EPHB2: variants seen among roughly 807,000 people sequenced by gnomAD.
EPHB2 encodes EPH receptor B2, also known as ephrin type-B receptor 2.
A neutral mutation model predicts 96.4 loss-of-function variants in EPHB2; 18 were observed. That is an observed-to-expected ratio of 0.19 (90% confidence interval 0.13 to 0.28). The LOEUF is 0.28. EPHB2 is among the 10% of genes least tolerant of loss of function. The pLI, the probability that EPHB2 is intolerant of heterozygous loss-of-function variation, is 1.00. For missense variants in EPHB2, 989 were observed against 1,355.4 expected (o/e 0.73, Z 4.25); for synonymous variants, 506 against 534.1 (o/e 0.95, Z 0.72).
chr1:22,911,949 C>A (rs769692524), intron 14 of EPHB2, among the ~76,000 whole-genome samples: 2 of 152,204 alleles, frequency 1.3e-5, no homozygotes, highest in South Asian at 2.1e-4. Flanking sequence ...TTAGCGCCAC[C>A]AGCCTTAGCT....
chr1:22,775,750 G>A (rs1262762632), intron 1 of EPHB2, among the ~76,000 whole-genome samples: 1 of 152,272 alleles, frequency 6.6e-6, no homozygotes, highest in East Asian at 1.9e-4. Context: ...GTACGGTAGG[G>A]ATAGGGCCAA....
At chr1:22,742,118 C>T (rs1287483789) in intron 1 of EPHB2, among the ~76,000 whole-genome samples, 2 of 152,104 alleles carry the variant, frequency 1.3e-5, no homozygotes, top group African/African-American at 2.4e-5. Context: ...CGACCCAGGC[C>T]CCTGCTCATA....
At chr1:22,894,356 G>A (rs1570449237) in intron 7 of EPHB2, among the ~76,000 whole-genome samples, 1 of 152,242 alleles carries the variant, frequency 6.6e-6, no homozygotes, top group East Asian at 1.9e-4. Flanking sequence ...CCAGCACTAT[G>A]GGAAGCCAAG....
At chr1:22,852,286 A>G (rs1423005202) in intron 3 of EPHB2, among the ~76,000 whole-genome samples, 1 of 151,896 alleles carries the variant, frequency 6.6e-6, no homozygotes, top group Non-Finnish European at 1.5e-5. Context: ...CCCCAGGACA[A>G]CCTCCCAGCA....
intron 3 of EPHB2, among the ~76,000 whole-genome samples, chr1:22,843,761 G>A (rs377485296): frequency 6.6e-5 from 10 of 152,274 alleles, no homozygotes; most frequent in African/African-American, 2.2e-4. Context: ...GGCTGCTCTC[G>A]AACTCCTGAC....
intron 1 of EPHB2, among the ~76,000 whole-genome samples, chr1:22,764,522 G>A (rs1291167792): frequency 6.6e-6 from 1 of 152,128 alleles, no homozygotes; most frequent in Non-Finnish European, 1.5e-5. Context: ...GAGCCAGGCG[G>A]ATCATTTGAG....
intron 3 of EPHB2, among the ~76,000 whole-genome samples, chr1:22,788,747 GTTTTTGTT>G (rs1644647997): frequency 1.1e-5 from 1 of 90,692 alleles, no homozygotes; most frequent in Non-Finnish European, 2.2e-5. Flanking sequence ...TTTGTCTTTT[GTTTTTGTT>G]TTTTTTTTTT....
chr1:22,844,287 C>T (rs144712043), intron 3 of EPHB2, among the ~76,000 whole-genome samples: 41 of 152,318 alleles, frequency 2.7e-4, no homozygotes, highest in African/African-American at 9.9e-4. Flanking sequence ...GGCTTATTGC[C>T]CTTGTTTAAC....
At chr1:22,757,748 C>T (rs1406908659) in intron 1 of EPHB2, among the ~76,000 whole-genome samples, 1 of 152,042 alleles carries the variant, frequency 6.6e-6, no homozygotes, top group East Asian at 1.9e-4. Flanking sequence ...CCTATAGTCC[C>T]AGCTACTTGG....
intron 1 of EPHB2, among the ~76,000 whole-genome samples, chr1:22,753,434 C>T (rs1644095781): frequency 6.6e-6 from 1 of 152,164 alleles, no homozygotes; most frequent in Admixed American, 6.5e-5. Context: ...ACTGGGCTGT[C>T]ATGGTCCAGT....
At chr1:22,721,438 T>A (rs189452856) in intron 1 of EPHB2, among the ~76,000 whole-genome samples, 50 of 152,278 alleles carry the variant, frequency 3.3e-4, no homozygotes, top group African/African-American at 1.2e-3. Flanking sequence ...TCCAGACTTG[T>A]GAGCTGGCCT....
chr1:22,845,464 CAG>C (rs1406466115), intron 3 of EPHB2, among the ~76,000 whole-genome samples: 2 of 152,166 alleles, frequency 1.3e-5, no homozygotes, highest in Admixed American at 1.3e-4. Flanking sequence ...CACTTGGTGA[CAG>C]TGTGGGCTAT....
chr1:22,779,205 A>C (rs1644494268), intron 1 of EPHB2, among the ~76,000 whole-genome samples: 1 of 152,186 alleles, frequency 6.6e-6, no homozygotes, highest in African/African-American at 2.4e-5. Flanking sequence ...TGTGAAAAGG[A>C]ACCCTTTTTT....
chr1:22,914,009 C>T lies in EPHB2; in HGVS notation c.*439C>T, dbSNP rs1260201806. On this transcript the variant is annotated 3_prime_UTR_variant, in exon 16 of 16. Transcript: ENST00000374630. ...AAATGTGAAGGGGAGAGACAGGGGC[C>T]GCCCTTGGCTCCTGTCCCTGCTGCT... The T allele has an allele frequency of 6.7e-6, 8 of 1,191,270 alleles. No homozygotes were observed. Among genetic ancestry groups the T allele is most frequent in the East Asian group, 5.1e-5 (2 of 38,856 alleles). The allele number at this position is 1,191,270 out of a possible 1,614,324, so 73.8% of individuals were successfully genotyped here.
At position 22,912,455 on chromosome 1, in the gene EPHB2, C is replaced by A; in HGVS notation, c.2708C>A (p.Pro903Gln). ...ACCCCCAACCCCAGCATCAACCTGC[C>A]GCTGCTGGACCGCACGATCCCCGAC... ...MAPLSSGINL[P>Q]LLDRTIPDYT... is the part of the protein sequence containing the mutation. The change falls in exon 15 of 16, where the codon CCG becomes CAG. Residue 903 changes from proline (P) to glutamine (Q), a missense_variant. Coordinates refer to ENST00000374630, the MANE Select transcript of EPHB2 (RefSeq NM_017449.5). 6.2e-7 allele frequency: 1 copy of A among 1,614,086 alleles called. No homozygotes were observed. Among genetic ancestry groups the A allele is most frequent in the Non-Finnish European group, 8.5e-7 (1 of 1,180,028 alleles).
chr1:22,742,472 ACTTC>A (rs769267941), intron 1 of EPHB2, among the ~76,000 whole-genome samples: 3 of 151,692 alleles, frequency 2.0e-5, no homozygotes, highest in East Asian at 1.9e-4. Context: ...TTCCAGCCAG[ACTTC>A]CTTCCTTCCT....
rs555955204 is a variant in EPHB2 at position 22,846,616 on chromosome 1, C to G, written c.812-16421C>G. The stretch of plus-strand genomic sequence containing the variant: ...CTCTCCAGCCTCGTGTCCTGCATCT[C>G]TGCAACCATAGACTCTGGGTTCCAG... On this transcript the variant is annotated intron_variant, in intron 3 of 15. Transcript: ENST00000374630. This position sits in a 1 kb window ranked among gnomAD's most constrained non-coding sequence, Gnocchi z 4.3. 5.9e-4 allele frequency among the ~76,000 whole-genome samples: 90 copies of G among 152,274 alleles called. No individual in the cohort carries two copies. The South Asian group carries it at 0.01, about 18-fold the overall frequency.
At chr1:22,722,595 C>T (rs926351067) in intron 1 of EPHB2, among the ~76,000 whole-genome samples, 3 of 152,292 alleles carry the variant, frequency 2.0e-5, no homozygotes, top group South Asian at 2.1e-4. Context: ...CTGTTTTCCA[C>T]GCTCCAGAAC....
chr1:22,879,628 G>A (rs1277858649), intron 5 of EPHB2, among the ~76,000 whole-genome samples: 1 of 152,220 alleles, frequency 6.6e-6, no homozygotes, highest in African/African-American at 2.4e-5. Context: ...TGACCTTGGG[G>A]AAGTCACTGT....
Sources: allele counts gnomAD v4.1 joint callset (sites outside exome capture counted in the v4.1 genomes callset), GRCh38; gene constraint gnomAD v4.1.1; non-coding constraint Gnocchi (gnomAD v3.1); transcripts MANE v1.5; gene names NCBI Gene and HGNC (gene_info 2026-07-23, HGNC 2026-07-21).